The following CFAP161 variants were observed in gnomAD, a reference collection of about 807,000 sequenced individuals.
The protein encoded by CFAP161 is cilia and flagella associated protein 161, also known as cilia- and flagella-associated protein 161.
CFAP161 carries 25 observed loss-of-function variants against 29.0 expected under a neutral mutation model. That is an observed-to-expected ratio of 0.86 (90% CI 0.63 to 1.20). CFAP161 has a LOEUF of 1.20. Among genes scored for constraint, CFAP161 ranks in the 50% most tolerant of loss-of-function variants. The pLI is 0.00. For synonymous variants in CFAP161, 116 were observed against 137.4 expected, an observed-to-expected ratio of 0.84 and a Z score of 1.09; for missense variants, 367 against 371.9, an observed-to-expected ratio of 0.99 and a Z score of 0.11.
intron 2 of CFAP161, among the ~76,000 whole-genome samples, chr15:81,128,245 T>C (rs942051654): frequency 6.6e-6 from 1 of 152,346 alleles, no homozygotes; most frequent in East Asian, 1.9e-4. Context: ...TTTTCATACA[T>C]GAAAAATTTC....
At chr15:81,138,481 T>G (rs752097367) in intron 4 of CFAP161, among the ~76,000 whole-genome samples, 1 of 152,248 alleles carries the variant, frequency 6.6e-6, no homozygotes, top group African/African-American at 2.4e-5. Flanking sequence ...ATGTTGCCAA[T>G]GCTAGCAAGG....
At chr15:81,134,153 G>C, upstream of CFAP161, 3 of 647,602 alleles carry the variant, frequency 4.6e-6, no homozygotes, top group Non-Finnish European at 7.8e-6. Context: ...GAGGGCCACA[G>C]ACAGCCGCTG....
chr15:81,142,701 A>T (rs8041245), intron 4 of CFAP161, among the ~76,000 whole-genome samples: 6,580 of 152,290 alleles, frequency 0.043, 504 homozygotes, highest in African/African-American at 0.15. Context: ...CTCACAGCAC[A>T]GCCTTGCATG....
intron 1 of CFAP161, chr15:81,118,218 A>G: frequency 2.0e-6 from 1 of 492,858 alleles, no homozygotes; most frequent in South Asian, 1.9e-5. Flanking sequence ...GCTTGGGGAG[A>G]TTTGAAATTG....
chr15:81,117,543 CTTTTTTTTTT>C (rs35047343), intron 1 of CFAP161: 1 of 135,394 alleles, frequency 7.4e-6, no homozygotes. Flanking sequence ...ATCACAGCTA[CTTTTTTTTTT>C]TTTTTTTTTT....
intron 1 of CFAP161, among the ~76,000 whole-genome samples, chr15:81,099,794 A>C (rs1195025023): frequency 6.6e-6 from 1 of 152,220 alleles, no homozygotes; most frequent in Non-Finnish European, 1.5e-5. Flanking sequence ...AAGCATATTA[A>C]TTCTAGTATT....
chr15:81,101,713 C>G lies in CFAP161; in HGVS notation c.-141-25877C>G, dbSNP rs1182878217. 2.0e-5 allele frequency among the ~76,000 whole-genome samples: 3 copies of G among 152,176 alleles called. No homozygotes were observed. The East Asian group carries it at 5.8e-4, about 29-fold the overall frequency. ...ACACTCAAAGAGCCAGCCAGTGCAT[C>G]TAGTGATGTCAGACTGAAGTCCAGC... On this transcript the variant is annotated intron_variant, in intron 1 of 4. Coordinates refer to the CFAP161 transcript ENST00000560091.
intron 2 of CFAP161, among the ~76,000 whole-genome samples, chr15:81,129,144 CT>C (rs113581281): frequency 0.15 from 22,269 of 148,304 alleles, 1,908 homozygotes; most frequent in African/African-American, 0.24. Flanking sequence ...TGAAAGAAAT[CT>C]TTTTTTTTTT....
Position 81,135,355 on chromosome 15 carries a change from G to T in CFAP161, c.155G>T (p.Arg52Ile). 1 of 1,577,696 alleles carries T rather than the reference G, an allele frequency of 6.3e-7. No individual in the cohort carries two copies. Reference protein sequence around the residue: ...RSRRLKQNLLRPMQLSVTEDG... With the variant: ...RSRRLKQNLLIPMQLSVTEDG... The stretch of plus-strand genomic sequence containing the variant: ...AGAAGACTAAAACAGAATCTCTTGA[G>T]ACCGGTAACTTTTTTTTTTTTTATT... The change falls in exon 2 of 7, where the codon AGA (arginine) becomes ATA (isoleucine). Residue 52 changes from arginine to isoleucine, a missense_variant. Transcript: ENST00000286732.
chr15:81,124,557 T>C (rs1894616604), intron 1 of CFAP161, among the ~76,000 whole-genome samples: 2 of 152,194 alleles, frequency 1.3e-5, no homozygotes, highest in African/African-American at 4.8e-5. Context: ...CCCTCCTTTC[T>C]AATTTTTTGG....
At chr15:81,148,261 G>A (rs906609570) in intron 6 of CFAP161, 77 bp from the exon 7 acceptor site, 41 of 1,388,508 alleles carry the variant, frequency 3.0e-5, no homozygotes, top group African/African-American at 1.4e-5. Flanking sequence ...AGGTGCTTTC[G>A]AGATTAAATT....
intron 5 of CFAP161, among the ~76,000 whole-genome samples, chr15:81,147,361 G>T (rs1439741025): frequency 6.6e-6 from 1 of 152,034 alleles, no homozygotes; most frequent in African/African-American, 2.4e-5. Flanking sequence ...ATGGACCACC[G>T]ATTTTTCCTG....
chr15:81,137,458 T>G (rs1401848234), intron 3 of CFAP161, among the ~76,000 whole-genome samples: 1 of 151,868 alleles, frequency 6.6e-6, no homozygotes, highest in Admixed American at 6.6e-5. Context: ...TAGCTGGGCG[T>G]GGTGGCAGGC....
At chr15:81,100,370 A>AC (rs1894289265) in intron 1 of CFAP161, among the ~76,000 whole-genome samples, 1 of 151,884 alleles carries the variant, frequency 6.6e-6, no homozygotes, top group Non-Finnish European at 1.5e-5. Context: ...TAGTATTTTT[A>AC]TGGAAAGGTA....
intron 1 of CFAP161, among the ~76,000 whole-genome samples, chr15:81,120,817 A>G (rs1894562663): frequency 6.6e-6 from 1 of 152,258 alleles, no homozygotes; most frequent in African/African-American, 2.4e-5. Flanking sequence ...AAATGAAGTT[A>G]CCATTCTGAA....
At chr15:81,111,373 T>C (rs985635813) in intron 1 of CFAP161, among the ~76,000 whole-genome samples, 3 of 152,242 alleles carry the variant, frequency 2.0e-5, no homozygotes, top group Admixed American at 6.5e-5. Context: ...ATATCACTTT[T>C]GATTCTTTTC....
At chr15:81,115,886 C>T (rs1448727379) in intron 1 of CFAP161, among the ~76,000 whole-genome samples, 1 of 146,452 alleles carries the variant, frequency 6.8e-6, no homozygotes, top group Admixed American at 6.9e-5. Flanking sequence ...CAGGGTTTCA[C>T]TATGTTGCCC....
upstream of CFAP161, among the ~76,000 whole-genome samples, chr15:81,131,677 T>A (rs977688937): frequency 2.0e-5 from 3 of 152,078 alleles, no homozygotes; most frequent in Admixed American, 6.6e-5. Context: ...AAATAGCATC[T>A]TGGAGGAATG....
intron 5 of CFAP161, among the ~76,000 whole-genome samples, chr15:81,146,333 A>T (rs1895005412): frequency 6.6e-6 from 1 of 152,232 alleles, no homozygotes. Flanking sequence ...ATGTTCACTT[A>T]TGAAAAGTCA....
Sources: gnomAD v4.1 joint callset for allele counts (sites outside exome capture counted in the v4.1 genomes callset) on GRCh38, gnomAD v4.1.1 for gene constraint, MANE v1.5 for transcripts, NCBI Gene and HGNC (gene_info 2026-07-23, HGNC 2026-07-21) for gene names.